Variants in TBC1D19 observed in about 807,000 individuals in gnomAD.
TBC1D19 encodes the protein TBC1 domain family member 19.
Under a neutral mutation model 89.0 loss-of-function variants are expected in TBC1D19, and 60 were observed. That is an observed-to-expected ratio of 0.67 (90% CI 0.55 to 0.84). The LOEUF (loss-of-function observed/expected upper bound fraction) is 0.84, where lower values mean the gene tolerates loss of function less well. Among genes scored for constraint, TBC1D19 ranks in the 40% least tolerant of loss-of-function variants. The pLI is 0.00. For synonymous variants in TBC1D19, 189 were observed against 199.7 expected, an observed-to-expected ratio of 0.95 and a Z score of 0.45; for missense variants, 500 against 610.8, an observed-to-expected ratio of 0.82 and a Z score of 1.91.
intron 1 of TBC1D19, among the ~76,000 whole-genome samples, chr4:26,585,713 A>G (rs995694685): frequency 1.3e-5 from 2 of 151,894 alleles, no homozygotes; most frequent in Non-Finnish European, 1.5e-5. Flanking sequence ...CCTCCTGAAT[A>G]GCTGGGATTA....
At chr4:26,757,865 A>C (rs1397655375), downstream of TBC1D19, among the ~76,000 whole-genome samples, 1 of 152,204 alleles carries the variant, frequency 6.6e-6, no homozygotes, top group Non-Finnish European at 1.5e-5. Flanking sequence ...TCTATGCTTG[A>C]AAAACTCAAC....
At chr4:26,591,638 A>C (rs543852671) in intron 1 of TBC1D19, among the ~76,000 whole-genome samples, 2 of 152,338 alleles carry the variant, frequency 1.3e-5, no homozygotes, top group Admixed American at 1.3e-4. Context: ...AGACACAATA[A>C]AAAATGATAA....
intron 15 of TBC1D19, among the ~76,000 whole-genome samples, chr4:26,725,714 T>G (rs1383535506): frequency 2.0e-5 from 3 of 152,168 alleles, no homozygotes; most frequent in Non-Finnish European, 4.4e-5. Flanking sequence ...TGCCCAACCC[T>G]GATTAATACT....
chr4:26,598,575 T>C (rs1740386377), intron 1 of TBC1D19, among the ~76,000 whole-genome samples: 1 of 152,144 alleles, frequency 6.6e-6, no homozygotes, highest in East Asian at 1.9e-4. Context: ...TTTGTATTTT[T>C]AGTAGAGACG....
At chr4:26,584,550 G>A (rs774782449) in intron 1 of TBC1D19, among the ~76,000 whole-genome samples, 16 of 152,184 alleles carry the variant, frequency 1.1e-4, no homozygotes, top group Non-Finnish European at 2.1e-4. Context: ...GAAGGGTGGG[G>A]CGCATCACAC....
chr4:26,738,446 C>T (rs1334090028), intron 16 of TBC1D19, among the ~76,000 whole-genome samples: 2 of 151,586 alleles, frequency 1.3e-5, no homozygotes, highest in East Asian at 3.9e-4. Flanking sequence ...ATATTTGTAC[C>T]ACACTGTTGT....
At chr4:26,596,000 G>T (rs919116596) in intron 1 of TBC1D19, among the ~76,000 whole-genome samples, 1 of 151,752 alleles carries the variant, frequency 6.6e-6, no homozygotes, top group Non-Finnish European at 1.5e-5. Context: ...TTTGTCGCCC[G>T]GGCTGGAGTG....
chr4:26,591,722 A>G (rs1381413556), intron 1 of TBC1D19, among the ~76,000 whole-genome samples: 1 of 152,250 alleles, frequency 6.6e-6, no homozygotes, highest in East Asian at 1.9e-4. Flanking sequence ...CTACGCAAAT[A>G]AACTAGAAAA....
chr4:26,855,471 C>T, the TBC1D19 span, among the ~76,000 whole-genome samples: 1 of 152,200 alleles, frequency 6.6e-6, no homozygotes, highest in Non-Finnish European at 1.5e-5. Context: ...TAGGTATTAG[C>T]ATAAGGACCT....
the TBC1D19 span, among the ~76,000 whole-genome samples, chr4:26,787,595 C>T: frequency 1.3e-3 from 193 of 152,224 alleles, 3 homozygotes; most frequent in Admixed American, 0.012. Flanking sequence ...ACTGAGGGGG[C>T]TCCCAGAGCC....
intron 11 of TBC1D19, among the ~76,000 whole-genome samples, chr4:26,675,188 G>A (rs1445290045): frequency 6.6e-6 from 1 of 152,010 alleles, no homozygotes; most frequent in East Asian, 1.9e-4. Context: ...CTTTGTAGAT[G>A]CACTGCCAAC....
intron 1 of TBC1D19, among the ~76,000 whole-genome samples, chr4:26,600,914 G>A (rs1174394687): frequency 2.0e-5 from 3 of 152,100 alleles, no homozygotes; most frequent in Non-Finnish European, 4.4e-5. Flanking sequence ...AGAACCATAA[G>A]TATTAGGAAG....
At chr4:26,648,395 A>C (rs2109035259) in intron 7 of TBC1D19, among the ~76,000 whole-genome samples, 1 of 152,326 alleles carries the variant, frequency 6.6e-6, no homozygotes, top group East Asian at 1.9e-4. Flanking sequence ...AAAATAGCAT[A>C]TTACAACTGA....
chr4:26,623,543 C>T (rs1742209567), intron 4 of TBC1D19, among the ~76,000 whole-genome samples: 1 of 152,058 alleles, frequency 6.6e-6, no homozygotes, highest in Non-Finnish European at 1.5e-5. Flanking sequence ...TTTTTTGTTG[C>T]CACATCTCTT....
At chr4:26,826,305 TTAACTC>T in the TBC1D19 span, among the ~76,000 whole-genome samples, 6 of 152,204 alleles carry the variant, frequency 3.9e-5, no homozygotes, top group African/African-American at 1.4e-4. Flanking sequence ...TGCCCATTGT[TTAACTC>T]TAGTATCAGG....
intron 19 of TBC1D19, among the ~76,000 whole-genome samples, chr4:26,751,894 A>G (rs1718986733): frequency 6.6e-6 from 1 of 152,214 alleles, no homozygotes; most frequent in Non-Finnish European, 1.5e-5. Flanking sequence ...CAGCAGAGCC[A>G]ATGATTTTTA....
intron 13 of TBC1D19, among the ~76,000 whole-genome samples, chr4:26,694,657 T>A (rs1051229148): frequency 1.3e-5 from 2 of 152,204 alleles, no homozygotes; most frequent in African/African-American, 4.8e-5. Flanking sequence ...AGGGGCAGAC[T>A]GACACTTCAC....
At chr4:26,856,010 A>T in the TBC1D19 span, among the ~76,000 whole-genome samples, 1 of 152,314 alleles carries the variant, frequency 6.6e-6, no homozygotes, top group South Asian at 2.1e-4. Context: ...CTTTTTAGCA[A>T]TTTTGAAATA....
chr4:26,648,538 G>C (rs925762437), intron 7 of TBC1D19, among the ~76,000 whole-genome samples: 2 of 152,154 alleles, frequency 1.3e-5, no homozygotes, highest in African/African-American at 4.8e-5. Flanking sequence ...TCCCCAAGTA[G>C]AACAGTGCTT....
Sources: allele counts gnomAD v4.1 joint callset (sites outside exome capture counted in the v4.1 genomes callset), GRCh38; gene constraint gnomAD v4.1.1; transcripts MANE v1.5; gene names NCBI Gene and HGNC (gene_info 2026-07-23, HGNC 2026-07-21).